PCDHGA4: variants seen among roughly 807,000 people sequenced by gnomAD.
PCDHGA4 encodes protocadherin gamma-A4.
PCDHGA4 carries 38 observed loss-of-function variants against 54.6 expected under a neutral mutation model. That is an observed-to-expected ratio of 0.70 (90% CI 0.54 to 0.91). PCDHGA4 has a LOEUF of 0.91. PCDHGA4 is among the 40% of genes least tolerant of loss of function. The pLI, the probability that PCDHGA4 is intolerant of heterozygous loss-of-function variation, is 0.00. For synonymous variants in PCDHGA4, 511 were observed against 512.9 expected, an observed-to-expected ratio of 1.00 and a Z score of 0.05; for missense variants, 1,298 against 1,220.9, an observed-to-expected ratio of 1.06 and a Z score of -0.94.
chr5:141,422,056 G>C lies in PCDHGA4; in HGVS notation c.2514+64435G>C, dbSNP rs1003977721. 1.2e-6 allele frequency: 2 copies of C among 1,611,816 alleles called. No individual in the cohort carries two copies. The highest frequency in any genetic ancestry group is 2.7e-5 in the African/African-American group (2 of 74,764). ...GGATCCAGACGAGGGAATCAACGGG[G>C]AAGTAATGTATTCATTTCGGAACAT... On this transcript the variant is annotated intron_variant, in intron 1 of 3. Transcript: ENST00000571252.
rs754547223 is a variant in PCDHGA4 at position 141,511,148 on chromosome 5, AGTC to A, written c.2866_2868del (p.Ser956del). The A allele has an allele frequency of 7.4e-6, 12 of 1,614,202 alleles. No individual in the cohort carries two copies. The highest frequency in any genetic ancestry group is 1.0e-5 in the Non-Finnish European group (12 of 1,180,016). ...GCAGGTGGCAATGGCAACAAGAAGA[AGTC>A]GGGCAAGAAGGAGAAGAAGTAACAT... On this transcript the variant is annotated inframe_deletion, in exon 4 of 4. Coordinates refer to ENST00000571252, the MANE Select transcript of PCDHGA4 (RefSeq NM_018917.4).
intron 1 of PCDHGA4, chr5:141,423,114 A>G: frequency 1.9e-6 from 3 of 1,613,848 alleles, no homozygotes; most frequent in Non-Finnish European, 1.7e-6. Context: ...AGGTGCGTAC[A>G]GCGCGGGCAC....
intron 1 of PCDHGA4, chr5:141,478,874 A>G: frequency 1.6e-6 from 2 of 1,276,696 alleles, no homozygotes; most frequent in Non-Finnish European, 2.1e-6. Flanking sequence ...ATCAGAGTTT[A>G]GCTTGGTATC....
At chr5:141,403,986 C>T in intron 1 of PCDHGA4, 1 of 1,613,704 alleles carries the variant, frequency 6.2e-7, no homozygotes, top group Non-Finnish European at 8.5e-7. Context: ...GACAATAGAC[C>T]TGAAGTGACC....
rs769074023 is a variant in PCDHGA4 at position 141,491,738 on chromosome 5, G to T, written c.2515-3069G>T. On this transcript the variant is annotated intron_variant, in intron 1 of 3. Transcript: ENST00000571252. The surrounding 1 kb of genome is among the most constrained non-coding windows in gnomAD (Gnocchi z 6.9). The stretch of plus-strand genomic sequence containing the variant: ...GCGCCGCCCCGGGCGACCCCTGGGG[G>T]CGGCACTGGAGAAGCCGCCCGTCCT... 38 of 1,600,228 alleles carry T rather than the reference G, an allele frequency of 2.4e-5. No homozygotes were observed. The highest frequency in any genetic ancestry group is 3.1e-5 in the Non-Finnish European group (36 of 1,174,204).
Position 141,355,148 on chromosome 5 carries a change from A to G in PCDHGA4, c.41A>G (p.Gln14Arg). The change falls in exon 1 of 4, where the codon CAG becomes CGG. Residue 14 changes from glutamine (Q) to arginine (R), a missense_variant. Coordinates refer to ENST00000571252, the MANE Select transcript of PCDHGA4 (RefSeq NM_018917.4). Reference sequence around the variant, plus strand: ...GACCCAGAAGATCCTGGGGCTCCTCAGGCCTCGACAGAGGGAAAACCGAAG... The same window carrying G: ...GACCCAGAAGATCCTGGGGCTCCTCGGGCCTCGACAGAGGGAAAACCGAAG... ...ILDPEDPGAP[Q>R]ASTEGKPKHR... The G allele has an allele frequency of 6.5e-7, 1 of 1,533,998 alleles. No homozygotes were observed. The highest frequency in any genetic ancestry group is 8.7e-7 in the Non-Finnish European group (1 of 1,143,632).
chr5:141,367,367 T>G (rs947999999), intron 1 of PCDHGA4: 3 of 151,876 alleles, frequency 2.0e-5, no homozygotes, highest in African/African-American at 7.3e-5. Flanking sequence ...TGAAACCCTG[T>G]TCTACTAAAA....
intron 1 of PCDHGA4, chr5:141,409,321 T>G (rs899218484): frequency 1.9e-6 from 3 of 1,613,996 alleles, no homozygotes; most frequent in Admixed American, 1.7e-5. Context: ...AAACACGGGA[T>G]CTGGATTTCG....
At chr5:141,471,571 A>G (rs1417147609) in intron 1 of PCDHGA4, 1 of 152,224 alleles carries the variant, frequency 6.6e-6, no homozygotes, top group African/African-American at 2.4e-5. Context: ...GGGTAGCAGT[A>G]GATAGGGTAA....
chr5:141,371,708 C>A (rs1767965097), intron 1 of PCDHGA4: 1 of 1,614,064 alleles, frequency 6.2e-7, no homozygotes, highest in East Asian at 2.2e-5. Flanking sequence ...GCAAGACCAT[C>A]ACTCTGCACA....
At chr5:141,383,857 C>T (rs1779530315) in intron 1 of PCDHGA4, 2 of 1,613,810 alleles carry the variant, frequency 1.2e-6, no homozygotes, top group Non-Finnish European at 1.7e-6. Context: ...AATGGAGGTT[C>T]AGGCTCAAGA....
intron 1 of PCDHGA4, chr5:141,413,792 G>C (rs1390056342): frequency 6.2e-7 from 1 of 1,613,134 alleles, no homozygotes; most frequent in South Asian, 1.1e-5. Context: ...TCCCTAGATC[G>C]CGAGGAAGAG....
rs189734474 is a variant in PCDHGA4, at chr5:141,512,858, G to T, written c.*1685G>T. 1 of 152,296 alleles carries T rather than the reference G, an allele frequency of 6.6e-6. No individual in the cohort carries two copies. The highest frequency in any genetic ancestry group is 1.9e-4 in the East Asian group (1 of 5,182). 9.4% of individuals were successfully genotyped at this position (152,296 alleles called of 1,614,324 possible). ...ACTTCTCCTATAAGCGCTTCTCTTC[G>T]CATAGTCACGTAGCTCCCACCCCAC... On this transcript the variant is annotated 3_prime_UTR_variant, in exon 4 of 4. Coordinates refer to ENST00000571252, the MANE Select transcript of PCDHGA4 (RefSeq NM_018917.4).
At chr5:141,408,392 C>G in intron 1 of PCDHGA4, 1 of 1,614,002 alleles carries the variant, frequency 6.2e-7, no homozygotes, top group South Asian at 1.1e-5. Context: ...TGTGTCGGCT[C>G]GCAAGCTGCG....
intron 1 of PCDHGA4, among the ~76,000 whole-genome samples, chr5:141,443,873 T>A (rs1250320938): frequency 6.6e-6 from 1 of 152,100 alleles, no homozygotes; most frequent in Non-Finnish European, 1.5e-5. Context: ...AAATTACTGA[T>A]AAGTCAAGAG....
chr5:141,502,679 T>C (rs943238781), intron 2 of PCDHGA4, among the ~76,000 whole-genome samples: 1 of 152,236 alleles, frequency 6.6e-6, no homozygotes, highest in Non-Finnish European at 1.5e-5. Flanking sequence ...TAGTATTCCC[T>C]GATGATCCTT....
chr5:141,360,173 G>A, intron 1 of PCDHGA4: 1 of 1,609,062 alleles, frequency 6.2e-7, no homozygotes, highest in African/African-American at 1.3e-5. Flanking sequence ...CTGGTGCGGT[G>A]GCTGCAGGTA....
intron 2 of PCDHGA4, among the ~76,000 whole-genome samples, chr5:141,499,182 C>T (rs980293990): frequency 5.3e-5 from 8 of 152,114 alleles, no homozygotes; most frequent in African/African-American, 1.7e-4. Flanking sequence ...GCCCAGCAAA[C>T]CATTTCCCCC....
chr5:141,404,214 C>A, intron 1 of PCDHGA4: 1 of 1,613,562 alleles, frequency 6.2e-7, no homozygotes, highest in Non-Finnish European at 8.5e-7. Flanking sequence ...TATAATATCA[C>A]GGTGACTGCA....
Sources: allele counts gnomAD v4.1 joint callset (sites outside exome capture counted in the v4.1 genomes callset), GRCh38; gene constraint gnomAD v4.1.1; non-coding constraint Gnocchi (gnomAD v3.1); transcripts MANE v1.5; gene names NCBI Gene and HGNC (gene_info 2026-07-23, HGNC 2026-07-21).